Variants in ARHGEF18 observed in about 807,000 individuals in gnomAD.
ARHGEF18 encodes the protein rho guanine nucleotide exchange factor 18.
A neutral mutation model predicts 155.7 loss-of-function variants in ARHGEF18; 93 were observed. The ratio of observed to expected loss-of-function variants is 0.60; its 90% confidence interval spans 0.50 to 0.71. The LOEUF (loss-of-function observed/expected upper bound fraction) is 0.71. ARHGEF18 is among the 30% of genes least tolerant of loss of function. The pLI, the probability that ARHGEF18 is intolerant of heterozygous loss-of-function variation, is 0.00. For synonymous variants in ARHGEF18, 742 were observed against 753.1 expected (o/e 0.99, Z 0.24); for missense variants, 1,593 against 1,816.1 (o/e 0.88, Z 2.23).
At chr19:7,459,499 C>T (rs887211040) in intron 19 of ARHGEF18, among the ~76,000 whole-genome samples, 1 of 152,198 alleles carries the variant, frequency 6.6e-6, no homozygotes, top group Admixed American at 6.5e-5. Context: ...GGATTACAGG[C>T]GTGAGCCACC....
chr19:7,358,794 C>T (rs775497915), intron 1 of ARHGEF18, among the ~76,000 whole-genome samples: 3 of 152,160 alleles, frequency 2.0e-5, no homozygotes, highest in Non-Finnish European at 4.4e-5. Context: ...AAAATGAGGA[C>T]TCAGAGTTGC....
intron 10 of ARHGEF18, among the ~76,000 whole-genome samples, chr19:7,421,864 T>G (rs1388722463): frequency 6.6e-6 from 1 of 152,154 alleles, no homozygotes; most frequent in Non-Finnish European, 1.5e-5. Flanking sequence ...GGGTGGCATT[T>G]CAGACTGACC....
rs2287917 is a variant in ARHGEF18, at chr19:7,463,633, A to G, written c.2636-185A>G. On this transcript the variant is annotated intron_variant, in intron 21 of 28. Coordinates refer to ENST00000668164, the MANE Select transcript of ARHGEF18 (RefSeq NM_001367823.1). The surrounding 1 kb of genome is among the most constrained non-coding windows in gnomAD (Gnocchi z 5.2). ...CGCAGATTGGCCTGTCCTGGTGGCC[A>G]TACCTGAAGTAAGGGTGTGCGCAGG... 0.8 allele frequency among the ~76,000 whole-genome samples: 121,452 copies of G among 152,204 alleles called. 49,197 individuals are homozygous for G. Among genetic ancestry groups the G allele is most frequent in the African/African-American group, 0.93 (38,663 of 41,566 alleles).
At chr19:7,404,338 TGTC>T (rs1339491019) in intron 10 of ARHGEF18, among the ~76,000 whole-genome samples, 1 of 152,038 alleles carries the variant, frequency 6.6e-6, no homozygotes, top group Non-Finnish European at 1.5e-5. Flanking sequence ...CGTTCTCTGT[TGTC>T]CTGTAAATAC....
intron 24 of ARHGEF18, 48 bp downstream of exon 24, chr19:7,467,022 T>C (rs375855607): frequency 2.9e-5 from 46 of 1,612,196 alleles, no homozygotes; most frequent in Non-Finnish European, 3.7e-5. Flanking sequence ...TGCACGCGCG[T>C]GTGGCCTCAG....
chr19:7,448,168 C>T (rs1445136976), intron 15 of ARHGEF18, among the ~76,000 whole-genome samples: 1 of 152,218 alleles, frequency 6.6e-6, no homozygotes, highest in Non-Finnish European at 1.5e-5. Context: ...GCCCCAGGAA[C>T]TGGGCCTCCA....
chr19:7,380,427 C>T (rs1296740685), intron 7 of ARHGEF18, among the ~76,000 whole-genome samples: 1 of 149,260 alleles, frequency 6.7e-6, no homozygotes, highest in Non-Finnish European at 1.5e-5. Flanking sequence ...TGCAGTGAGC[C>T]GAGATCGCAC....
intron 16 of ARHGEF18, 47 bp downstream of exon 16, chr19:7,451,313 A>T: frequency 6.5e-7 from 1 of 1,532,384 alleles, no homozygotes; most frequent in South Asian, 1.1e-5. Flanking sequence ...GCTGCAGCAC[A>T]GGGCTCTCTC....
chr19:7,366,786 C>T (rs773091233), intron 2 of ARHGEF18, among the ~76,000 whole-genome samples: 1 of 151,968 alleles, frequency 6.6e-6, no homozygotes, highest in Non-Finnish European at 1.5e-5. Flanking sequence ...TTTGTAGAGA[C>T]GGGGTCTTCT....
chr19:7,459,130 C>A (rs544935869), intron 19 of ARHGEF18, among the ~76,000 whole-genome samples: 5 of 151,996 alleles, frequency 3.3e-5, no homozygotes, highest in African/African-American at 9.7e-5. Context: ...CTGCAGCCTC[C>A]GCCTCCCAGG....
chr19:7,384,388 C>T (rs1970888968), intron 10 of ARHGEF18, among the ~76,000 whole-genome samples: 2 of 152,220 alleles, frequency 1.3e-5, no homozygotes, highest in Admixed American at 6.5e-5. Context: ...GCAAACAGAT[C>T]CTAGATGGGC....
At chr19:7,382,205 C>A (rs1970778818) in intron 8 of ARHGEF18, among the ~76,000 whole-genome samples, 1 of 151,914 alleles carries the variant, frequency 6.6e-6, no homozygotes, top group African/African-American at 2.4e-5. Flanking sequence ...CTAAGCCTGG[C>A]CAACACGGTG....
chr19:7,404,528 C>T (rs1229338469), intron 10 of ARHGEF18, among the ~76,000 whole-genome samples: 10 of 145,612 alleles, frequency 6.9e-5, no homozygotes, highest in African/African-American at 2.6e-4. Flanking sequence ...GGCTCAATCT[C>T]GGCTCACTGC....
chr19:7,477,321 C>T (rs747587409), downstream of ARHGEF18: 141 of 1,559,174 alleles, frequency 9.0e-5, no homozygotes, highest in Non-Finnish European at 1.1e-4. Context: ...GCCCACAGCA[C>T]GCCCCGGGGC....
At position 7,472,179 on chromosome 19, in the gene ARHGEF18, C is replaced by T. The variant is rs560009222; in HGVS notation, c.*1881C>T. 3 of 152,432 alleles carry T rather than the reference C, an allele frequency of 2.0e-5. No individual in the cohort carries two copies. The highest frequency in any genetic ancestry group is 1.9e-4 in the East Asian group (1 of 5,180). 9.4% of individuals were successfully genotyped at this position (152,432 alleles called of 1,614,324 possible). On this transcript the variant is annotated 3_prime_UTR_variant, in exon 29 of 29. Transcript: ENST00000668164. ...CCACGCGGTGGGAACCCCGCGTCCCCGCCATGTGGCAGAGGGGTCTCAGTC... is the reference window on the plus strand; with the variant it reads ...CCACGCGGTGGGAACCCCGCGTCCCTGCCATGTGGCAGAGGGGTCTCAGTC...
intron 10 of ARHGEF18, among the ~76,000 whole-genome samples, chr19:7,392,437 C>T (rs372422517): frequency 3.3e-5 from 5 of 151,548 alleles, no homozygotes; most frequent in East Asian, 1.9e-4. Context: ...CAGTGGCTCA[C>T]GCCTGTAATC....
Position 7,462,295 on chromosome 19 carries a change from C to G in ARHGEF18, c.2596C>G (p.Leu866Val). Residue 866 changes from leucine to valine, a missense_variant, in exon 21 of 29, where the codon CTG (leucine) becomes GTG (valine). Transcript: ENST00000668164. This position sits in a 1 kb window ranked among gnomAD's most constrained non-coding sequence, Gnocchi z 4.4. ...CCGTGGAGGGGACCCATCCGAGACC[C>G]TGCAGGGGGAGCTAATTCTCAAGTC... ...LFRGGDPSET[L>V]QGELILKSAM... 1 of 1,609,054 alleles carries G rather than the reference C, an allele frequency of 6.2e-7. No homozygotes were observed.
chr19:7,358,543 T>C (rs1969419860), intron 1 of ARHGEF18, among the ~76,000 whole-genome samples: 1 of 151,738 alleles, frequency 6.6e-6, no homozygotes, highest in Admixed American at 6.6e-5. Flanking sequence ...CATTCAACCA[T>C]CCACTCACCC....
chr19:7,354,580 G>GAC (rs1413130840), intron 1 of ARHGEF18, among the ~76,000 whole-genome samples: 2 of 152,078 alleles, frequency 1.3e-5, no homozygotes, highest in South Asian at 2.1e-4. Context: ...AGCACTCGTT[G>GAC]ACACACACAC....
Sources: allele counts gnomAD v4.1 joint callset (sites outside exome capture counted in the v4.1 genomes callset), GRCh38; gene constraint gnomAD v4.1.1; non-coding constraint Gnocchi (gnomAD v3.1); transcripts MANE v1.5; gene names NCBI Gene and HGNC (gene_info 2026-07-23, HGNC 2026-07-21).